The following VDAC1 variants were observed in gnomAD, a reference collection of about 807,000 sequenced individuals.
VDAC1 encodes the protein voltage dependent anion channel 1.
VDAC1 carries 10 observed loss-of-function variants against 34.7 expected under a neutral mutation model. The observed-to-expected ratio is 0.29, with a 90% CI of 0.18 to 0.49. VDAC1 has a LOEUF of 0.49. Among genes scored for constraint, VDAC1 ranks in the 20% least tolerant of loss-of-function variants. VDAC1 has a pLI of 0.99. For missense variants in VDAC1, 230 were observed against 347.9 expected (o/e 0.66, Z 2.69); for synonymous variants, 130 against 136.0 (o/e 0.96, Z 0.30).
At chr5:134,080,016 G>A in the VDAC1 span, among the ~76,000 whole-genome samples, 1 of 152,244 alleles carries the variant, frequency 6.6e-6, no homozygotes, top group Non-Finnish European at 1.5e-5. Context: ...TTGCTCTCAA[G>A]AGTGGCTTTC....
chr5:133,999,417 C>T (rs182893533), intron 1 of VDAC1, among the ~76,000 whole-genome samples: 9 of 152,334 alleles, frequency 5.9e-5, no homozygotes, highest in African/African-American at 1.2e-4. Flanking sequence ...TAATCCACTA[C>T]ACTGGATACT....
the VDAC1 span, among the ~76,000 whole-genome samples, chr5:134,071,289 A>G: frequency 6.6e-6 from 1 of 152,210 alleles, no homozygotes; most frequent in African/African-American, 2.4e-5. The surrounding 1 kb of genome is among the most constrained non-coding windows in gnomAD (Gnocchi z 4.1). Flanking sequence ...GGGAGGGGGC[A>G]GCCAGCGCGG....
chr5:134,019,768 G>A, the VDAC1 span, among the ~76,000 whole-genome samples: 1 of 152,102 alleles, frequency 6.6e-6, no homozygotes, highest in Non-Finnish European at 1.5e-5. Flanking sequence ...GACTTCTCCT[G>A]GCTGACTGAG....
the VDAC1 span, among the ~76,000 whole-genome samples, chr5:134,098,375 C>A: frequency 1.3e-5 from 2 of 150,100 alleles, no homozygotes; most frequent in African/African-American, 5.0e-5. Context: ...CAGGCACCCA[C>A]CACCATGACC....
At chr5:134,017,845 G>A in the VDAC1 span, among the ~76,000 whole-genome samples, 9 of 152,268 alleles carry the variant, frequency 5.9e-5, no homozygotes, top group South Asian at 1.2e-3. Context: ...CCCAGGAGGC[G>A]GAGCTTGCAG....
chr5:134,057,854 G>A, the VDAC1 span, among the ~76,000 whole-genome samples: 1 of 152,070 alleles, frequency 6.6e-6, no homozygotes, highest in East Asian at 1.9e-4. Flanking sequence ...TTGCCAGTCT[G>A]ATGGGCAGAC....
upstream of VDAC1, among the ~76,000 whole-genome samples, chr5:134,008,903 C>G (rs1382850809): frequency 6.6e-6 from 1 of 152,152 alleles, no homozygotes; most frequent in Non-Finnish European, 1.5e-5. Flanking sequence ...TAGGAAGAAT[C>G]AAGATGGCGT....
At chr5:134,046,553 A>G in the VDAC1 span, among the ~76,000 whole-genome samples, 1 of 152,220 alleles carries the variant, frequency 6.6e-6, no homozygotes, top group Non-Finnish European at 1.5e-5. Context: ...TCACAGGTCT[A>G]GGCATTAGGA....
the VDAC1 span, among the ~76,000 whole-genome samples, chr5:134,044,214 G>A: frequency 6.6e-6 from 1 of 152,206 alleles, no homozygotes; most frequent in Non-Finnish European, 1.5e-5. Context: ...GGTAGGTTAT[G>A]ATTGGCAGCC....
At chr5:134,011,727 C>T in the VDAC1 span, among the ~76,000 whole-genome samples, 2 of 151,958 alleles carry the variant, frequency 1.3e-5, no homozygotes, top group East Asian at 3.9e-4. Flanking sequence ...GCAACCTCCG[C>T]CTCCTGGGTT....
the VDAC1 span, among the ~76,000 whole-genome samples, chr5:134,013,878 G>T: frequency 5.9e-5 from 9 of 152,096 alleles, no homozygotes; most frequent in South Asian, 8.3e-4. Context: ...GGAGGCGGAG[G>T]TTGCAGTGAG....
intron 6 of VDAC1, among the ~76,000 whole-genome samples, chr5:133,976,625 G>C (rs1337963173): frequency 6.6e-6 from 1 of 151,156 alleles, no homozygotes; most frequent in African/African-American, 2.4e-5. Context: ...TTGGGCAACA[G>C]AGCGAGATCC....
the VDAC1 span, among the ~76,000 whole-genome samples, chr5:134,062,915 C>T: frequency 1.3e-5 from 2 of 152,298 alleles, no homozygotes; most frequent in East Asian, 1.9e-4. Context: ...GCATGAGCCA[C>T]TGCACCCGGC....
chr5:134,045,995 T>C, the VDAC1 span, among the ~76,000 whole-genome samples: 1 of 143,116 alleles, frequency 7.0e-6, no homozygotes, highest in Non-Finnish European at 1.5e-5. Flanking sequence ...ATTCTTCTTT[T>C]TTTTTTTTTC....
At chr5:134,034,004 A>G in the VDAC1 span, among the ~76,000 whole-genome samples, 1 of 152,142 alleles carries the variant, frequency 6.6e-6, no homozygotes, top group Non-Finnish European at 1.5e-5. Context: ...AAAAAAAAGA[A>G]AAGAACCGAA....
the VDAC1 span, among the ~76,000 whole-genome samples, chr5:134,067,541 T>G: frequency 6.6e-6 from 1 of 151,280 alleles, no homozygotes; most frequent in Middle Eastern, 3.4e-3. Context: ...TATGAAATAT[T>G]AATGCTACCT....
At chr5:134,098,210 T>TATTATTA in the VDAC1 span, among the ~76,000 whole-genome samples, 1 of 147,798 alleles carries the variant, frequency 6.8e-6, no homozygotes, top group African/African-American at 2.5e-5. Flanking sequence ...TTATTATTAT[T>TATTATTA]TTGAGACAGA....
At chr5:133,999,108 C>T (rs1056410256) in intron 1 of VDAC1, among the ~76,000 whole-genome samples, 15 of 152,040 alleles carry the variant, frequency 9.9e-5, no homozygotes, top group African/African-American at 3.1e-4. Context: ...TGCAGGAGTT[C>T]GAGACCAGCC....
Position 133,972,477 on chromosome 5 carries a change from C to T in VDAC1, c.*294G>A. 4.3e-6 allele frequency: 2 copies of T among 462,064 alleles called. No homozygotes were observed. The highest frequency in any genetic ancestry group is 7.6e-6 in the Non-Finnish European group (2 of 264,430). The allele number at this position is 462,064 out of a possible 1,614,324, so 28.6% of individuals were successfully genotyped here. ...TACTCAATATGAATTTACAAAGTGC[C>T]TACATATTATCCGCTTCCACTTGCA... On this transcript the variant is annotated 3_prime_UTR_variant, in exon 9 of 9. Coordinates refer to ENST00000265333, the MANE Select transcript of VDAC1 (RefSeq NM_003374.3).
Sources: allele counts gnomAD v4.1 joint callset (sites outside exome capture counted in the v4.1 genomes callset), GRCh38; gene constraint gnomAD v4.1.1; non-coding constraint Gnocchi (gnomAD v3.1); transcripts MANE v1.5; gene names NCBI Gene and HGNC (gene_info 2026-07-23, HGNC 2026-07-21).